Variants in CNTN3 observed in about 807,000 individuals in gnomAD.
CNTN3 encodes contactin-3.
Under a neutral mutation model 119.1 loss-of-function variants are expected in CNTN3, and 60 were observed. That is an observed-to-expected ratio of 0.50 (90% confidence interval 0.41 to 0.62). CNTN3 has a LOEUF of 0.62. CNTN3 is among the 20% of genes least tolerant of loss of function. The pLI is 0.00. For missense variants in CNTN3, 1,101 were observed against 1,242.4 expected, an observed-to-expected ratio of 0.89 and a Z score of 1.71; for synonymous variants, 450 against 438.7, an observed-to-expected ratio of 1.03 and a Z score of -0.32.
At chr3:74,436,418 A>G (rs9810589) in intron 4 of CNTN3, among the ~76,000 whole-genome samples, 3,149 of 152,246 alleles carry the variant, frequency 0.021, 41 homozygotes, top group African/African-American at 0.042. Context: ...TCTAAGCAGT[A>G]CGATCCACTC....
At chr3:74,391,712 G>T (rs369746917) in intron 5 of CNTN3, among the ~76,000 whole-genome samples, 2 of 151,582 alleles carry the variant, frequency 1.3e-5, no homozygotes, top group South Asian at 4.2e-4. Context: ...GACTACATTC[G>T]TGTGCCACCA....
intron 5 of CNTN3, among the ~76,000 whole-genome samples, chr3:74,418,404 C>T (rs939857229): frequency 8.5e-4 from 118 of 138,948 alleles, no homozygotes; most frequent in African/African-American, 2.9e-3. Context: ...TGCAATGGCG[C>T]GACCTTGGCT....
intron 1 of CNTN3, among the ~76,000 whole-genome samples, chr3:74,547,680 C>T (rs894641308): frequency 6.6e-6 from 1 of 152,062 alleles, no homozygotes; most frequent in Non-Finnish European, 1.5e-5. Context: ...ATTTACAAAC[C>T]TCAACTTGTA....
chr3:74,511,261 C>A, intron 2 of CNTN3, among the ~76,000 whole-genome samples: 1 of 152,096 alleles, frequency 6.6e-6, no homozygotes, highest in East Asian at 1.9e-4. Context: ...GCACAATTTC[C>A]ATATTCATAG....
At chr3:74,424,117 T>A (rs1326311015) in intron 5 of CNTN3, among the ~76,000 whole-genome samples, 4 of 152,158 alleles carry the variant, frequency 2.6e-5, no homozygotes, top group African/African-American at 9.7e-5. Context: ...CAGTGATTTA[T>A]TCATTAATAA....
chr3:74,602,491 G>A (rs892350115), intron 1 of CNTN3, among the ~76,000 whole-genome samples: 31 of 151,660 alleles, frequency 2.0e-4, no homozygotes, highest in African/African-American at 6.8e-4. Flanking sequence ...ATTTTTGTTC[G>A]CAAATATTCA....
At chr3:74,468,141 T>A (rs1342423021) in intron 4 of CNTN3, among the ~76,000 whole-genome samples, 1 of 152,176 alleles carries the variant, frequency 6.6e-6, no homozygotes, top group African/African-American at 2.4e-5. Context: ...AAAATCATAC[T>A]CAATTTGAAA....
intron 19 of CNTN3, among the ~76,000 whole-genome samples, chr3:74,290,230 G>A (rs1234872724): frequency 1.3e-5 from 2 of 152,182 alleles, no homozygotes; most frequent in Non-Finnish European, 2.9e-5. Flanking sequence ...ATGTTAGATG[G>A]TGTAGCGTAG....
At chr3:74,293,514 A>T (rs1702276116) in intron 19 of CNTN3, among the ~76,000 whole-genome samples, 1 of 152,158 alleles carries the variant, frequency 6.6e-6, no homozygotes, top group Admixed American at 6.6e-5. Flanking sequence ...TCAGTCTGTC[A>T]TCCAGGCTAC....
chr3:74,297,923 A>C (rs767559522), intron 18 of CNTN3, 34 bp downstream of exon 18: 1 of 1,481,238 alleles, frequency 6.8e-7, no homozygotes. Flanking sequence ...AATTATTATT[A>C]GGCGGAACTG....
chr3:74,585,977 C>T (rs190786450), intron 1 of CNTN3, among the ~76,000 whole-genome samples: 100 of 152,152 alleles, frequency 6.6e-4, no homozygotes, highest in African/African-American at 2.3e-3. Context: ...GTTAAAATTA[C>T]CATGTATCAA....
At position 74,364,519 on chromosome 3, in the gene CNTN3, T is replaced by C. The variant is rs1436631073; in HGVS notation, c.1161A>G (p.Ile387Met). Residue 387 changes from isoleucine (I) to methionine (M), a missense_variant, in exon 10 of 23, where the codon ATA (isoleucine) becomes ATG (methionine). Physicochemically the swap from Ile to Met is conservative, Grantham distance 10 (BLOSUM62 1). Transcript: ENST00000263665. ...AAACAAGGCCATGTTTGTTTTCTGC[T>C]ATGCATTGGAACATGCCAGAATCAG... ...SVTDSGMFQC[I>M]AENKHGLVYS... 3 of 1,612,642 alleles carry C rather than the reference T, an allele frequency of 1.9e-6. No individual in the cohort carries two copies. The highest frequency in any genetic ancestry group is 2.5e-6 in the Non-Finnish European group (3 of 1,179,076).
chr3:74,538,540 G>T (rs1039958868), intron 1 of CNTN3, among the ~76,000 whole-genome samples: 1 of 152,020 alleles, frequency 6.6e-6, no homozygotes, highest in Admixed American at 6.6e-5. Context: ...GGATTCCAAC[G>T]TATCCTACTA....
At chr3:74,600,353 A>T (rs58639470) in intron 1 of CNTN3, among the ~76,000 whole-genome samples, 1 of 151,874 alleles carries the variant, frequency 6.6e-6, no homozygotes, top group Non-Finnish European at 1.5e-5. Context: ...CTACGGAGGA[A>T]AAAGCAATAG....
intron 5 of CNTN3, among the ~76,000 whole-genome samples, chr3:74,395,091 A>G (rs1174468859): frequency 6.6e-6 from 1 of 152,196 alleles, no homozygotes; most frequent in African/African-American, 2.4e-5. Flanking sequence ...ATTTGCATGC[A>G]CATGACTAGA....
At chr3:74,393,172 G>T (rs913601427) in intron 5 of CNTN3, among the ~76,000 whole-genome samples, 2 of 152,000 alleles carry the variant, frequency 1.3e-5, no homozygotes, top group Non-Finnish European at 2.9e-5. Flanking sequence ...GTCCAAATTC[G>T]ACTGAAAGAA....
chr3:74,330,196 A>C (rs1245775489), intron 13 of CNTN3, among the ~76,000 whole-genome samples: 1 of 152,034 alleles, frequency 6.6e-6, no homozygotes, highest in Non-Finnish European at 1.5e-5. Context: ...TCCCTACTAA[A>C]AATACAAAAA....
intron 5 of CNTN3, among the ~76,000 whole-genome samples, chr3:74,395,366 T>TACACACACAC (rs1372198960): frequency 7.4e-6 from 1 of 134,716 alleles, no homozygotes; most frequent in South Asian, 2.9e-4. Flanking sequence ...TATATCTTTA[T>TACACACACAC]ACACACACAC....
intron 1 of CNTN3, among the ~76,000 whole-genome samples, chr3:74,557,938 A>G (rs892276331): frequency 3.3e-5 from 5 of 152,122 alleles, no homozygotes; most frequent in Non-Finnish European, 5.9e-5. Flanking sequence ...AACAAAACAA[A>G]TGGATGCATG....
Sources: allele counts gnomAD v4.1 joint callset (sites outside exome capture counted in the v4.1 genomes callset), GRCh38; gene constraint gnomAD v4.1.1; transcripts MANE v1.5; gene names NCBI Gene and HGNC (gene_info 2026-07-23, HGNC 2026-07-21).